Variants in CAST observed in about 807,000 individuals in gnomAD.
CAST encodes MIR583 host.
CAST carries 76 observed loss-of-function variants against 119.6 expected under a neutral mutation model. The observed-to-expected ratio is 0.64, with a 90% CI of 0.53 to 0.77. The LOEUF (loss-of-function observed/expected upper bound fraction) is 0.77. Among genes scored for constraint, CAST ranks in the 30% least tolerant of loss-of-function variants. The probability of loss-of-function intolerance (pLI) is 0.00; values close to 1 mark genes in which losing one functional copy is unlikely to be tolerated. For synonymous variants in CAST, 319 were observed against 331.6 expected (o/e 0.96, Z 0.41); for missense variants, 953 against 946.5 (o/e 1.01, Z -0.09).
intron 27 of CAST, 56 bp from the exon 28 acceptor site, chr5:96,767,382 C>T: frequency 6.9e-7 from 1 of 1,443,356 alleles, no homozygotes; most frequent in South Asian, 1.2e-5. Flanking sequence ...CTGCCTAAAC[C>T]TAAGTAAACC....
At position 96,614,379 on chromosome 5, in the gene CAST, A is replaced by T. The variant is rs1747416645; in HGVS notation, c.61-61160A>T. Among the ~76,000 whole-genome samples, 3 of 152,108 alleles carry T rather than the reference A, an allele frequency of 2.0e-5. No individual in the cohort carries two copies. In the South Asian group the frequency reaches 6.2e-4, roughly 31 times the overall value. The stretch of plus-strand genomic sequence containing the variant: ...TACAGCGCCTCAGTGTTGACAAGGG[A>T]TTTTCAGCAAAAGCATCCAGCCGGG... On this transcript the variant is annotated intron_variant, in intron 1 of 11. Coordinates refer to the CAST transcript ENST00000505143.
chr5:96,384,224 A>G, the CAST span, among the ~76,000 whole-genome samples: 1 of 152,186 alleles, frequency 6.6e-6, no homozygotes, highest in Non-Finnish European at 1.5e-5. Flanking sequence ...AGAAAATTAG[A>G]TAATTCCTTC....
intron 1 of CAST, among the ~76,000 whole-genome samples, chr5:96,633,703 T>G (rs1747850091): frequency 6.6e-6 from 1 of 152,260 alleles, no homozygotes. Flanking sequence ...ACCATCATGT[T>G]CTGTTCCCTT....
the CAST span, among the ~76,000 whole-genome samples, chr5:96,039,328 G>A: frequency 4.6e-5 from 7 of 152,216 alleles, no homozygotes; most frequent in East Asian, 1.9e-4. Context: ...TAGGTTGTCC[G>A]TTCATGCTGA....
the CAST span, among the ~76,000 whole-genome samples, chr5:96,288,006 AACAT>A: frequency 6.6e-6 from 1 of 152,178 alleles, no homozygotes; most frequent in African/African-American, 2.4e-5. Context: ...AGTGAAATGA[AACAT>A]AAATATGCTA....
At chr5:96,313,413 A>G in the CAST span, among the ~76,000 whole-genome samples, 2 of 152,126 alleles carry the variant, frequency 1.3e-5, no homozygotes, top group South Asian at 4.1e-4. Context: ...TCCAAATATC[A>G]TATAAATTGA....
chr5:96,169,806 G>T, the CAST span, among the ~76,000 whole-genome samples: 2 of 152,150 alleles, frequency 1.3e-5, no homozygotes, highest in Non-Finnish European at 2.9e-5. Flanking sequence ...ATGAGGTGTG[G>T]CTGTAGCCCA....
At chr5:96,183,163 TA>T in the CAST span, among the ~76,000 whole-genome samples, 1 of 63,674 alleles carries the variant, frequency 1.6e-5, no homozygotes, top group Non-Finnish European at 3.4e-5. Flanking sequence ...ATAAATAAAA[TA>T]ATAATAATAA....
chr5:95,965,136 T>C, the CAST span: 3 of 152,238 alleles, frequency 2.0e-5, no homozygotes, highest in African/African-American at 4.8e-5. Context: ...CTGAAGATGC[T>C]GGACGGTAGT....
the CAST span, among the ~76,000 whole-genome samples, chr5:96,037,267 A>T: frequency 5.5e-4 from 84 of 152,254 alleles, no homozygotes; most frequent in Non-Finnish European, 1.0e-3. Context: ...TCCTACCATG[A>T]CGCTGGGAAA....
the CAST span, among the ~76,000 whole-genome samples, chr5:96,089,103 G>A: frequency 7.4e-6 from 1 of 135,444 alleles, no homozygotes; most frequent in Non-Finnish European, 1.5e-5. Context: ...CTGGGAATAT[G>A]CCCAGGCCTG....
intron 3 of CAST, chr5:96,702,982 C>G (rs972284498): frequency 5.0e-5 from 49 of 975,366 alleles, no homozygotes; most frequent in Non-Finnish European, 5.6e-5. Flanking sequence ...CCTGTGCCCC[C>G]GGCTACCTGC....
At chr5:96,130,267 A>G in the CAST span, among the ~76,000 whole-genome samples, 1 of 152,016 alleles carries the variant, frequency 6.6e-6, no homozygotes, top group Admixed American at 6.6e-5. Context: ...TGTGAAAAAA[A>G]TCAGACAAAT....
chr5:96,321,404 A>T, the CAST span, among the ~76,000 whole-genome samples: 1 of 152,144 alleles, frequency 6.6e-6, no homozygotes, highest in African/African-American at 2.4e-5. Context: ...CTGCAAACTC[A>T]TAAAACAGTA....
At chr5:96,661,419 GAAAAAAA>G (rs34922511), upstream of CAST, among the ~76,000 whole-genome samples, 1,189 of 88,368 alleles carry the variant, frequency 0.013, 10 homozygotes, top group Admixed American at 0.021. Context: ...TGCCTCTCCA[GAAAAAAA>G]AAAAAAAAAA....
chr5:96,112,519 C>T, the CAST span, among the ~76,000 whole-genome samples: 2 of 152,114 alleles, frequency 1.3e-5, no homozygotes, highest in Non-Finnish European at 2.9e-5. Flanking sequence ...TATATCCTAA[C>T]TGTGTATAAT....
the CAST span, among the ~76,000 whole-genome samples, chr5:96,487,237 A>G: frequency 6.6e-6 from 1 of 152,202 alleles, no homozygotes; most frequent in Non-Finnish European, 1.5e-5. Flanking sequence ...TAAAAATACA[A>G]CAGAGCCACG....
chr5:95,995,435 G>A, the CAST span, among the ~76,000 whole-genome samples: 1 of 152,112 alleles, frequency 6.6e-6, no homozygotes, highest in African/African-American at 2.4e-5. Flanking sequence ...CTGCAGCCTG[G>A]TAAGCCTGCC....
chr5:96,374,979 T>C, the CAST span, among the ~76,000 whole-genome samples: 303 of 152,296 alleles, frequency 2.0e-3, no homozygotes, highest in African/African-American at 6.6e-3. Context: ...TTTCTAGCTG[T>C]TTAGCATTTT....
Sources: allele counts gnomAD v4.1 joint callset (sites outside exome capture counted in the v4.1 genomes callset), GRCh38; gene constraint gnomAD v4.1.1; transcripts MANE v1.5; gene names NCBI Gene and HGNC (gene_info 2026-07-23, HGNC 2026-07-21).